The following VCAN variants were observed in gnomAD, a reference collection of about 807,000 sequenced individuals.
The protein encoded by VCAN is versican core protein.
Under a neutral mutation model 245.5 loss-of-function variants are expected in VCAN, and 44 were observed. That is an observed-to-expected ratio of 0.18 (90% CI 0.14 to 0.23). The LOEUF is 0.23. Among genes scored for constraint, VCAN ranks in the 10% least tolerant of loss-of-function variants. The pLI is 1.00. For missense variants in VCAN, 3,793 were observed against 4,057.9 expected (o/e 0.93, Z 1.77); for synonymous variants, 1,413 against 1,437.0 (o/e 0.98, Z 0.38).
intron 7 of VCAN, among the ~76,000 whole-genome samples, chr5:83,533,367 T>C (rs1176280309): frequency 5.9e-5 from 9 of 152,140 alleles, no homozygotes; most frequent in African/African-American, 2.2e-4. Context: ...GAAAAGAGTT[T>C]AGTAAGGCCA....
chr5:83,540,375 A>G lies in VCAN; in HGVS notation c.7372A>G (p.Thr2458Ala). 6.2e-7 allele frequency: 1 copy of G among 1,613,976 alleles called. No individual in the cohort carries two copies. Among genetic ancestry groups the G allele is most frequent in the East Asian group, 2.2e-5 (1 of 44,854 alleles). ...GGCAACCAGACAAGAAAGCAGCACC[A>G]CATTTGTTTCTGATGGGTCCCTGGA... The part of the protein sequence containing the change: ...TQATRQESST[T>A]FVSDGSLEKH... Residue 2458 changes from threonine (T) to alanine (A), a missense_variant, in exon 8 of 15, where the codon ACA becomes GCA. Transcript: ENST00000265077.
At chr5:83,573,330 A>G (rs1046740675) in intron 13 of VCAN, among the ~76,000 whole-genome samples, 1 of 152,154 alleles carries the variant, frequency 6.6e-6, no homozygotes, top group African/African-American at 2.4e-5. Context: ...CATGTGGCCC[A>G]TATTCAGATT....
At chr5:83,498,880 C>A (rs557465065) in intron 5 of VCAN, among the ~76,000 whole-genome samples, 2 of 152,248 alleles carry the variant, frequency 1.3e-5, no homozygotes, top group South Asian at 2.1e-4. Flanking sequence ...TCCTACTTAA[C>A]GTTGTGTGTT....
At chr5:83,571,038 A>T (rs1261896981) in intron 12 of VCAN, among the ~76,000 whole-genome samples, 1 of 152,154 alleles carries the variant, frequency 6.6e-6, no homozygotes, top group Non-Finnish European at 1.5e-5. Context: ...TTGTCACATA[A>T]ATCTAAATCT....
chr5:83,501,756 T>G (rs1257065990), intron 5 of VCAN, among the ~76,000 whole-genome samples: 4 of 152,174 alleles, frequency 2.6e-5, no homozygotes, highest in African/African-American at 9.7e-5. Context: ...TTTTCAAAAT[T>G]GTTTTAGTAT....
intron 12 of VCAN, among the ~76,000 whole-genome samples, chr5:83,563,094 G>C (rs1485445851): frequency 6.6e-6 from 1 of 152,094 alleles, no homozygotes; most frequent in African/African-American, 2.4e-5. Flanking sequence ...TCCAACTCCA[G>C]GCTGCCAGCA....
At chr5:83,491,345 G>T (rs1257270368) in intron 3 of VCAN, among the ~76,000 whole-genome samples, 1 of 152,136 alleles carries the variant, frequency 6.6e-6, no homozygotes, top group Non-Finnish European at 1.5e-5. Flanking sequence ...TTACCTTTCA[G>T]AAATATATAC....
chr5:83,558,788 G>A (rs1283918069), intron 12 of VCAN, among the ~76,000 whole-genome samples: 1 of 151,906 alleles, frequency 6.6e-6, no homozygotes, highest in Non-Finnish European at 1.5e-5. Flanking sequence ...TCTATAATAG[G>A]ATGTTGTTAT....
At chr5:83,523,862 C>T (rs181192310) in intron 7 of VCAN, among the ~76,000 whole-genome samples, 13 of 151,888 alleles carry the variant, frequency 8.6e-5, no homozygotes, top group East Asian at 1.9e-4. Context: ...ATGAGGATTG[C>T]GTTAGGCTGG....
chr5:83,530,325 G>A (rs1438648823), intron 7 of VCAN, among the ~76,000 whole-genome samples: 1 of 152,018 alleles, frequency 6.6e-6, no homozygotes, highest in Non-Finnish European at 1.5e-5. Flanking sequence ...GACATTCCCT[G>A]CTGTCTTTTT....
chr5:83,532,431 G>A (rs1323616390), intron 7 of VCAN, among the ~76,000 whole-genome samples: 2 of 152,036 alleles, frequency 1.3e-5, no homozygotes, highest in Admixed American at 6.6e-5. Context: ...TCCCTGCTAT[G>A]AGATGTTAAA....
chr5:83,565,621 T>G (rs1431034902), intron 12 of VCAN, among the ~76,000 whole-genome samples: 2 of 152,206 alleles, frequency 1.3e-5, no homozygotes, highest in Non-Finnish European at 2.9e-5. Flanking sequence ...TTGATTATTC[T>G]TTGTAGTTAT....
intron 7 of VCAN, 45 bp from the exon 8 acceptor site, chr5:83,536,962 G>A (rs748203561): frequency 2.0e-6 from 3 of 1,525,196 alleles, no homozygotes; most frequent in Non-Finnish European, 8.8e-7. Context: ...GTCATACACT[G>A]CCAAATTTTC....
intron 5 of VCAN, among the ~76,000 whole-genome samples, chr5:83,500,986 C>T (rs182886863): frequency 6.6e-6 from 1 of 151,994 alleles, no homozygotes; most frequent in African/African-American, 2.4e-5. Flanking sequence ...TATTATCTGA[C>T]CTTTTGTGTA....
chr5:83,561,628 T>C (rs1054856723), intron 12 of VCAN, among the ~76,000 whole-genome samples: 77 of 152,158 alleles, frequency 5.1e-4, no homozygotes, highest in Non-Finnish European at 5.9e-5. Flanking sequence ...CAGAGGCTCC[T>C]TCTTCTTCTT....
chr5:83,486,441 T>C (rs1223969940), intron 2 of VCAN, among the ~76,000 whole-genome samples: 1 of 152,134 alleles, frequency 6.6e-6, no homozygotes, highest in Non-Finnish European at 1.5e-5. Context: ...GCTAATCAGA[T>C]GGTGAAGCCT....
At chr5:83,576,680 C>A (rs1748494905) in intron 13 of VCAN, among the ~76,000 whole-genome samples, 1 of 152,210 alleles carries the variant, frequency 6.6e-6, no homozygotes, top group South Asian at 2.1e-4. Context: ...AATTTTCACT[C>A]CCACCAACAA....
chr5:83,569,286 A>G (rs1490211640), intron 12 of VCAN, among the ~76,000 whole-genome samples: 1 of 152,148 alleles, frequency 6.6e-6, no homozygotes, highest in African/African-American at 2.4e-5. Context: ...ATTTACTTCC[A>G]CTGGCTATGT....
intron 12 of VCAN, among the ~76,000 whole-genome samples, chr5:83,556,684 T>C (rs1747679402): frequency 6.6e-6 from 1 of 152,176 alleles, no homozygotes; most frequent in South Asian, 2.1e-4. Context: ...GGGATAATAC[T>C]GGCCTATTAG....
Sources: allele counts gnomAD v4.1 joint callset (sites outside exome capture counted in the v4.1 genomes callset), GRCh38; gene constraint gnomAD v4.1.1; transcripts MANE v1.5; gene names NCBI Gene and HGNC (gene_info 2026-07-23, HGNC 2026-07-21).